The following SULF2 variants were observed in gnomAD, a reference collection of about 807,000 sequenced individuals.
SULF2 encodes extracellular sulfatase Sulf-2.
A neutral mutation model predicts 107.7 loss-of-function variants in SULF2; 52 were observed. The ratio of observed to expected loss-of-function variants is 0.48; its 90% CI spans 0.39 to 0.61. The LOEUF is 0.61. Among genes scored for constraint, SULF2 ranks in the 20% least tolerant of loss-of-function variants. SULF2 has a pLI of 0.00. For missense variants in SULF2, 993 were observed against 1,177.3 expected (o/e 0.84, Z 2.29); for synonymous variants, 460 against 464.3 (o/e 0.99, Z 0.12).
At position 47,663,056 on chromosome 20, in the gene SULF2, C is replaced by T. The variant is rs765817191; in HGVS notation, c.2370+14G>A. The T allele has an allele frequency of 3.0e-5, 49 of 1,613,858 alleles. No homozygotes were observed. In the Admixed American group the frequency reaches 5.2e-4, roughly 17 times the overall value. ...ACCCCACACCCCCATCCCTCTAGCT[C>T]GGGTTGCCTGTACCTGGTAGGGGTC... On this transcript the variant is annotated intron_variant, in intron 17 of 20. Transcript: ENST00000688720.
intron 3 of SULF2, among the ~76,000 whole-genome samples, chr20:47,718,416 G>A (rs1360487837): frequency 6.6e-6 from 1 of 152,130 alleles, no homozygotes; most frequent in Non-Finnish European, 1.5e-5. Flanking sequence ...TGGCTGGGAT[G>A]GCTCTAGGCA....
rs78263089 is a variant in SULF2 at position 47,740,839 on chromosome 20, C to T, written c.176-3897G>A. ...ACATCCATTGATGTCATTCGGCTGT[C>T]GATTAGACCTCAGGTGCCACACCCA... On this transcript the variant is annotated intron_variant, in intron 2 of 20. Coordinates refer to ENST00000688720, the MANE Select transcript of SULF2 (RefSeq NM_001387048.1). 1.1e-4 allele frequency among the ~76,000 whole-genome samples: 16 copies of T among 152,166 alleles called. No homozygotes were observed. The East Asian group carries it at 2.9e-3, about 28-fold the overall frequency.
At chr20:47,785,735 G>T (rs1452644757), upstream of SULF2, 1 of 147,526 alleles carries the variant, frequency 6.8e-6, no homozygotes, top group Non-Finnish European at 1.5e-5. Context: ...GCTCCGGGGC[G>T]GGGAGCGTCG....
At chr20:47,717,709 G>GA (rs1460040189) in intron 3 of SULF2, among the ~76,000 whole-genome samples, 2 of 152,144 alleles carry the variant, frequency 1.3e-5, no homozygotes, top group African/African-American at 4.8e-5. Flanking sequence ...TCATTCCCAG[G>GA]ACCCGGGCAC....
chr20:47,671,766 G>A (rs564926801), intron 11 of SULF2, among the ~76,000 whole-genome samples: 1 of 152,250 alleles, frequency 6.6e-6, no homozygotes, highest in East Asian at 1.9e-4. Context: ...CCAGGCTGGA[G>A]TGCAGTGGCA....
At chr20:47,719,755 G>T (rs1021208007) in intron 3 of SULF2, among the ~76,000 whole-genome samples, 1 of 152,142 alleles carries the variant, frequency 6.6e-6, no homozygotes, top group Non-Finnish European at 1.5e-5. Flanking sequence ...CAGCCATAAG[G>T]TCTCTATTGC....
chr20:47,681,773 C>T (rs1412142811), intron 7 of SULF2, among the ~76,000 whole-genome samples: 1 of 152,188 alleles, frequency 6.6e-6, no homozygotes, highest in Non-Finnish European at 1.5e-5. Flanking sequence ...GCAACCTCCA[C>T]CTCCCAGGTT....
At chr20:47,659,288 T>G in intron 20 of SULF2, 111 bp downstream of exon 20, 6 of 946,894 alleles carry the variant, frequency 6.3e-6, no homozygotes, top group Non-Finnish European at 1.0e-5. Flanking sequence ...ACCCTCATCA[T>G]GAGAACAAAC....
intron 4 of SULF2, among the ~76,000 whole-genome samples, chr20:47,697,020 G>A (rs767106507): frequency 8.5e-5 from 13 of 152,132 alleles, no homozygotes; most frequent in Admixed American, 2.6e-4. Flanking sequence ...GGCAAGGGGC[G>A]GGGCACATGA....
rs1051423332 is a variant in SULF2 at position 47,666,372 on chromosome 20, G to T, written c.1693C>A (p.Arg565=). ...TCCTCAGGGGCCCCTGGCCAGTGCC[G>T]CTTGGTGAGGTTTCGGGGCTGGGCG... ...DAAQPRNLTK[R]HWPGAPEDQD... Residue 565 remains arginine (R), a synonymous_variant, in exon 12 of 21, where the codon CGG becomes AGG. Transcript: ENST00000688720. The surrounding 1 kb of genome is among the most constrained non-coding windows in gnomAD (Gnocchi z 5.4). 4 of 1,614,076 alleles carry T rather than the reference G, an allele frequency of 2.5e-6. No individual in the cohort carries two copies. The highest frequency in any genetic ancestry group is 3.4e-6 in the Non-Finnish European group (4 of 1,180,032).
At chr20:47,726,911 G>C (rs939404761) in intron 3 of SULF2, among the ~76,000 whole-genome samples, 1 of 152,202 alleles carries the variant, frequency 6.6e-6, no homozygotes, top group Non-Finnish European at 1.5e-5. Flanking sequence ...GATTCCTTGA[G>C]AGAAACCATG....
At chr20:47,659,634 G>A in intron 19 of SULF2, 63 bp downstream of exon 19, 1 of 1,472,390 alleles carries the variant, frequency 6.8e-7, no homozygotes, top group South Asian at 1.1e-5. Context: ...TCACAGAGAT[G>A]AGACTGAAGG....
chr20:47,774,908 C>T (rs991479646), intron 1 of SULF2, among the ~76,000 whole-genome samples: 2 of 152,146 alleles, frequency 1.3e-5, no homozygotes, highest in Non-Finnish European at 1.5e-5. Flanking sequence ...GTGCATTTGT[C>T]GCATTGGGAT....
At chr20:47,743,461 T>C (rs2089937436) in intron 2 of SULF2, among the ~76,000 whole-genome samples, 2 of 152,008 alleles carry the variant, frequency 1.3e-5, no homozygotes, top group Admixed American at 6.6e-5. Flanking sequence ...AGGTGTACAC[T>C]ACCACACTCA....
intron 3 of SULF2, among the ~76,000 whole-genome samples, chr20:47,736,164 A>G (rs1404561391): frequency 6.6e-6 from 1 of 152,160 alleles, no homozygotes; most frequent in Non-Finnish European, 1.5e-5. Flanking sequence ...ATAAGCAAAC[A>G]GGAACTGGGT....
At chr20:47,672,637 T>C (rs1357171510) in intron 10 of SULF2, 1 of 810,920 alleles carries the variant, frequency 1.2e-6, no homozygotes, top group Admixed American at 6.2e-5. Context: ...GTTACCTGCT[T>C]CTGTCTGCTC....
chr20:47,679,106 C>G (rs1011814757), intron 7 of SULF2, among the ~76,000 whole-genome samples: 3 of 151,766 alleles, frequency 2.0e-5, no homozygotes, highest in African/African-American at 4.8e-5. Flanking sequence ...GGCGACCCCC[C>G]CTTTACAGCC....
chr20:47,719,627 AC>A (rs2089229153), intron 3 of SULF2, among the ~76,000 whole-genome samples: 1 of 152,148 alleles, frequency 6.6e-6, no homozygotes, highest in South Asian at 2.1e-4. Context: ...CCTCAACTCC[AC>A]CTATATTCTA....
intron 3 of SULF2, among the ~76,000 whole-genome samples, chr20:47,708,455 C>T (rs1469206265): frequency 2.0e-5 from 3 of 152,142 alleles, no homozygotes; most frequent in South Asian, 2.1e-4. Flanking sequence ...TGGCAGGGTT[C>T]GTACCGCTCC....
Sources: allele counts gnomAD v4.1 joint callset (sites outside exome capture counted in the v4.1 genomes callset), GRCh38; gene constraint gnomAD v4.1.1; non-coding constraint Gnocchi (gnomAD v3.1); transcripts MANE v1.5; gene names NCBI Gene and HGNC (gene_info 2026-07-23, HGNC 2026-07-21).